MED7: variants seen among roughly 807,000 people sequenced by gnomAD.
MED7 encodes mediator complex subunit 7, also known as mediator of RNA polymerase II transcription subunit 7.
Under a neutral mutation model 16.6 loss-of-function variants are expected in MED7, and 7 were observed. The ratio of observed to expected loss-of-function variants is 0.42; its 90% CI spans 0.24 to 0.79. MED7 has a LOEUF of 0.79. Among genes scored for constraint, MED7 ranks in the 30% least tolerant of loss-of-function variants. MED7 has a pLI of 0.27. For synonymous variants in MED7, 88 were observed against 90.5 expected (o/e 0.97, Z 0.16); for missense variants, 240 against 286.3 (o/e 0.84, Z 1.17).
chr5:157,141,084 A>AT (rs35366752), intron 1 of MED7, among the ~76,000 whole-genome samples: 316 of 150,154 alleles, frequency 2.1e-3, no homozygotes, highest in Non-Finnish European at 3.0e-3. Context: ...TTCAAAATAC[A>AT]TTTTTTTTTT....
At chr5:157,142,761 G>A (rs1757747426) in intron 1 of MED7, 59 bp downstream of exon 1, 1 of 152,566 alleles carries the variant, frequency 6.6e-6, no homozygotes, top group African/African-American at 2.4e-5. Context: ...GGAAGCTGCG[G>A]GGTCCGGAAG....
rs1254328835 is a variant in MED7, at chr5:157,137,460, C to T, written c.*1270G>A. 1.3e-5 allele frequency: 2 copies of T among 152,134 alleles called. No homozygotes were observed. The highest frequency in any genetic ancestry group is 2.9e-5 in the Non-Finnish European group (2 of 68,028). 9.4% of individuals were successfully genotyped at this position (152,134 alleles called of 1,614,324 possible). A position where few individuals can be genotyped will look rare whatever the true frequency, so the allele number is the denominator to read the frequency against. Reference sequence around the variant, plus strand: ...TCTGAACCTACGGATTATACTAAAACTTTTATTTCTAGTAAGTCCCCAAGT... The same window carrying T: ...TCTGAACCTACGGATTATACTAAAATTTTTATTTCTAGTAAGTCCCCAAGT... On this transcript the variant is annotated 3_prime_UTR_variant, in exon 2 of 2. Transcript: ENST00000286317.
rs190472590 is a variant in MED7 at position 157,141,595 on chromosome 5, G to A, written c.-18+1225C>T. Among the ~76,000 whole-genome samples the A allele has an allele frequency of 5.0e-4, 76 of 151,974 alleles. No individual in the cohort carries two copies. The East Asian group carries it at 0.013, about 26-fold the overall frequency. On this transcript the variant is annotated intron_variant, in intron 1 of 1. Transcript: ENST00000286317. ...AAGGTTTTTGGGGTTTTTGTTGTTAGTTTTGTTTTTTGAGACAAGGGCTCA... is the reference window on the plus strand; with the variant it reads ...AAGGTTTTTGGGGTTTTTGTTGTTAATTTTGTTTTTTGAGACAAGGGCTCA...
At chr5:157,141,283 T>C (rs1366652630) in intron 1 of MED7, among the ~76,000 whole-genome samples, 2 of 152,152 alleles carry the variant, frequency 1.3e-5, no homozygotes, top group African/African-American at 4.8e-5. Context: ...GATTTCATCG[T>C]GTTAGCCAGG....
chr5:157,142,801 AC>A lies in MED7; in HGVS notation c.-18+18del, dbSNP rs1236859155. 6.6e-6 allele frequency: 1 copy of A among 152,214 alleles called. No individual in the cohort carries two copies. The highest frequency in any genetic ancestry group is 2.4e-5 in the African/African-American group (1 of 41,394). The allele number at this position is 152,214 out of a possible 1,614,324, so 9.4% of individuals were successfully genotyped here. A position where few individuals can be genotyped will look rare whatever the true frequency, so the allele number is the denominator to read the frequency against. ...AAACGCACACAGGCGGCGGCCCCAA[AC>A]CGTTGCCGCCCACTTACCTCAGCTC... On this transcript the variant is annotated intron_variant, in intron 1 of 1. Transcript: ENST00000286317.
Position 157,139,060 on chromosome 5 carries a change from AT to A in MED7, c.371del (p.Asn124MetfsTer12). The part of the protein sequence containing the change: ...LLFVHVHHLI[N>X]EYRPHQARET... ...CTCTTGCTTGGTGGGGTCGGTATTC[AT>A]TTATAAGATGATGCACGTGTACAAA... is the stretch of plus-strand genomic sequence containing the variant. On this transcript the variant is annotated frameshift_variant, in exon 2 of 2. Coordinates refer to ENST00000286317, the MANE Select transcript of MED7 (RefSeq NM_004270.5). LOFTEE classifies it high-confidence loss of function. 1.2e-6 allele frequency: 2 copies of A among 1,613,920 alleles called. No homozygotes were observed. Among genetic ancestry groups the A allele is most frequent in the Non-Finnish European group, 1.7e-6 (2 of 1,179,990 alleles).
Position 157,138,479 on chromosome 5 carries a change from T to C in MED7, c.*251A>G, listed in dbSNP as rs565781190. The C allele has an allele frequency of 1.2e-4, 44 of 378,800 alleles. No individual in the cohort carries two copies. The highest frequency in any genetic ancestry group is 9.9e-4 in the South Asian group (13 of 13,076). 23.5% of individuals were successfully genotyped at this position (378,800 alleles called of 1,614,324 possible). A position where few individuals can be genotyped will look rare whatever the true frequency, so the allele number is the denominator to read the frequency against. ...AAAGTTTTACTGCAACTCTAAAACATAGGAATGTCCCATACAACAGCAGCT... is the reference window on the plus strand; with the variant it reads ...AAAGTTTTACTGCAACTCTAAAACACAGGAATGTCCCATACAACAGCAGCT... On this transcript the variant is annotated 3_prime_UTR_variant, in exon 2 of 2. Coordinates refer to ENST00000286317, the MANE Select transcript of MED7 (RefSeq NM_004270.5).
chr5:157,141,869 G>A (rs1401068778), intron 1 of MED7, among the ~76,000 whole-genome samples: 1 of 152,216 alleles, frequency 6.6e-6, no homozygotes, highest in Admixed American at 6.5e-5. Context: ...GGGATTACAG[G>A]CGTGAGCCAC....
At chr5:157,140,703 G>A (rs1757710044) in intron 1 of MED7, among the ~76,000 whole-genome samples, 1 of 151,998 alleles carries the variant, frequency 6.6e-6, no homozygotes, top group Non-Finnish European at 1.5e-5. Context: ...CACCAAGCCC[G>A]GCTAATTTTT....
chr5:157,139,127 C>T lies in MED7; in HGVS notation c.305G>A (p.Ser102Asn). 1.9e-6 allele frequency: 3 copies of T among 1,613,816 alleles called. No homozygotes were observed. The highest frequency in any genetic ancestry group is 1.7e-4 in the Middle Eastern group (1 of 6,060). Residue 102 changes from serine (S) to asparagine (N), a missense_variant, in exon 2 of 2, where the codon AGT becomes AAT. Coordinates refer to ENST00000286317, the MANE Select transcript of MED7 (RefSeq NM_004270.5). Reference protein sequence around the residue: ...LLDILIRSPGSIKREEKLEDL... With the variant: ...LLDILIRSPGNIKREEKLEDL... ...TTCTAGTTTCTCTTCTCGTTTTATA[C>T]TCCCAGGGCTCCTTATTAAAATATC...
Position 157,138,714 on chromosome 5 carries a change from G to T in MED7, c.*16C>A. ...GATGCTATTATCAAAAGGAAAAAAA[G>T]AAAAAGAAACATCTTTCATGGTCTT... On this transcript the variant is annotated 3_prime_UTR_variant, in exon 2 of 2. Coordinates refer to ENST00000286317, the MANE Select transcript of MED7 (RefSeq NM_004270.5). 6.4e-7 allele frequency: 1 copy of T among 1,556,050 alleles called. No individual in the cohort carries two copies.
chr5:157,138,708 AAAAAAG>A lies in MED7; in HGVS notation c.*16_*21del. ...ATATATGATGCTATTATCAAAAGGA[AAAAAAG>A]AAAAAGAAACATCTTTCATGGTCTT... is the stretch of plus-strand genomic sequence containing the variant. On this transcript the variant is annotated 3_prime_UTR_variant, in exon 2 of 2. Transcript: ENST00000286317. 6.5e-7 allele frequency: 1 copy of A among 1,546,996 alleles called. No individual in the cohort carries two copies. The highest frequency in any genetic ancestry group is 8.7e-7 in the Non-Finnish European group (1 of 1,148,316).
At chr5:157,139,624 G>C (rs900756150) in intron 1 of MED7, among the ~76,000 whole-genome samples, 176 bp from the exon 2 acceptor site, 2 of 152,068 alleles carry the variant, frequency 1.3e-5, no homozygotes, top group Non-Finnish European at 2.9e-5. Context: ...TCTTTTCTAA[G>C]TAGGCATTAT....
At chr5:157,140,427 A>G (rs1300655974) in intron 1 of MED7, among the ~76,000 whole-genome samples, 2 of 152,216 alleles carry the variant, frequency 1.3e-5, no homozygotes, top group Non-Finnish European at 2.9e-5. Context: ...GCCTAGGTAT[A>G]CCATCCAATG....
Position 157,138,044 on chromosome 5 carries a change from A to G in MED7, c.*686T>C, listed in dbSNP as rs912410091. ...CTTAAACAAGTCTGAGCTTAGCTTT[A>G]AAGAAAATGTATAGCTAATGACACA... is the stretch of plus-strand genomic sequence containing the variant. On this transcript the variant is annotated 3_prime_UTR_variant, in exon 2 of 2. Transcript: ENST00000286317. The G allele has an allele frequency of 2.6e-5, 4 of 152,214 alleles. No individual in the cohort carries two copies. The highest frequency in any genetic ancestry group is 9.7e-5 in the African/African-American group (4 of 41,446). The allele number at this position is 152,214 out of a possible 1,614,324, so 9.4% of individuals were successfully genotyped here. A position where few individuals can be genotyped will look rare whatever the true frequency, so the allele number is the denominator to read the frequency against.
Position 157,138,620 on chromosome 5 carries a change from G to C in MED7, c.*110C>G, listed in dbSNP as rs890904092. The C allele has an allele frequency of 3.1e-6, 3 of 970,870 alleles. No homozygotes were observed. Among genetic ancestry groups the C allele is most frequent in the Admixed American group, 5.4e-5 (2 of 37,302 alleles). The allele number at this position is 970,870 out of a possible 1,614,324, so 60.1% of individuals were successfully genotyped here. ...TCATAATTGAAAAATTTGGAGTCAAGATTAAAGCTGTTTACATTTTTAGTG... is the reference window on the plus strand; with the variant it reads ...TCATAATTGAAAAATTTGGAGTCAACATTAAAGCTGTTTACATTTTTAGTG... On this transcript the variant is annotated 3_prime_UTR_variant, in exon 2 of 2. Coordinates refer to ENST00000286317, the MANE Select transcript of MED7 (RefSeq NM_004270.5).
intron 1 of MED7, among the ~76,000 whole-genome samples, chr5:157,140,565 G>A (rs545192790): frequency 6.6e-6 from 1 of 152,212 alleles, no homozygotes; most frequent in South Asian, 2.1e-4. Context: ...AGGTACTGAG[G>A]GCAGCTGTGG....
intron 1 of MED7, among the ~76,000 whole-genome samples, chr5:157,141,762 G>A (rs909092550): frequency 6.6e-6 from 1 of 151,862 alleles, no homozygotes; most frequent in Non-Finnish European, 1.5e-5. Flanking sequence ...GCTAATTTTT[G>A]TATTTCTCGG....
At chr5:157,139,577 T>A in intron 1 of MED7, 129 bp from the exon 2 acceptor site, 1 of 496,868 alleles carries the variant, frequency 2.0e-6, no homozygotes, top group Non-Finnish European at 3.4e-6. Flanking sequence ...TCTCCTTGGT[T>A]TCTAAAACTA....
Sources: allele counts gnomAD v4.1 joint callset (sites outside exome capture counted in the v4.1 genomes callset), GRCh38; gene constraint gnomAD v4.1.1; transcripts MANE v1.5; gene names NCBI Gene and HGNC (gene_info 2026-07-23, HGNC 2026-07-21).